Variants in CNTNAP2 observed in about 807,000 individuals in gnomAD.
CNTNAP2 encodes the protein contactin associated protein 2.
CNTNAP2 carries 98 observed loss-of-function variants against 155.2 expected under a neutral mutation model. That is an observed-to-expected ratio of 0.63 (90% CI 0.54 to 0.75). The LOEUF (loss-of-function observed/expected upper bound fraction) is 0.75. Among genes scored for constraint, CNTNAP2 ranks in the 30% least tolerant of loss-of-function variants. The pLI is 0.00. For missense variants in CNTNAP2, 1,727 were observed against 1,688.1 expected, an observed-to-expected ratio of 1.02 and a Z score of -0.40; for synonymous variants, 651 against 631.2, an observed-to-expected ratio of 1.03 and a Z score of -0.47.
chr7:146,307,261 G>C (rs1257353305), intron 1 of CNTNAP2, among the ~76,000 whole-genome samples: 3 of 152,156 alleles, frequency 2.0e-5, no homozygotes, highest in African/African-American at 7.2e-5. Context: ...ACCTAGGAAT[G>C]CAACTTAGAA....
intron 4 of CNTNAP2, chr7:147,082,106 G>C (rs746419828): frequency 3.3e-5 from 5 of 152,166 alleles, no homozygotes; most frequent in Admixed American, 6.5e-5. Context: ...AAAAAAGAAA[G>C]GTAAAGGGTG....
At chr7:146,733,264 G>A (rs1801556629) in intron 1 of CNTNAP2, among the ~76,000 whole-genome samples, 1 of 151,976 alleles carries the variant, frequency 6.6e-6, no homozygotes, top group Non-Finnish European at 1.5e-5. Context: ...CTACAAACTT[G>A]ACCAATGTCA....
At chr7:146,903,262 C>G (rs1796043339) in intron 3 of CNTNAP2, among the ~76,000 whole-genome samples, 1 of 152,128 alleles carries the variant, frequency 6.6e-6, no homozygotes, top group South Asian at 2.1e-4. Flanking sequence ...GCTTGAGAAT[C>G]ATTTTCTTAT....
chr7:147,693,944 G>A (rs973857742), intron 13 of CNTNAP2, among the ~76,000 whole-genome samples: 1 of 151,804 alleles, frequency 6.6e-6, no homozygotes, highest in African/African-American at 2.4e-5. Flanking sequence ...AGAACTTCAG[G>A]TTTCTAACTA....
chr7:146,786,429 T>C lies in CNTNAP2; in HGVS notation c.208+12048T>C, dbSNP rs992340518. ...TTTTTTCTTTCAGAATTAAGAAATA[T>C]AGAATTGTTCTTTTATATGCATGCC... is the stretch of plus-strand genomic sequence containing the variant. On this transcript the variant is annotated intron_variant, in intron 2 of 23. Transcript: ENST00000361727. Among the ~76,000 whole-genome samples, 4 of 152,200 alleles carry C rather than the reference T, an allele frequency of 2.6e-5. No individual in the cohort carries two copies. In the East Asian group the frequency reaches 7.7e-4, roughly 29 times the overall value.
intron 2 of CNTNAP2, among the ~76,000 whole-genome samples, chr7:146,777,518 C>G (rs1228720562): frequency 6.6e-6 from 1 of 151,758 alleles, no homozygotes; most frequent in Non-Finnish European, 1.5e-5. Context: ...TATATCCTCT[C>G]CAAGGAAAAA....
At chr7:146,243,396 C>A (rs1321300879) in intron 1 of CNTNAP2, among the ~76,000 whole-genome samples, 2 of 151,950 alleles carry the variant, frequency 1.3e-5, no homozygotes, top group East Asian at 3.9e-4. Context: ...TAATACCAGA[C>A]CATTTTATTG....
intron 1 of CNTNAP2, among the ~76,000 whole-genome samples, chr7:146,698,265 A>G (rs1800817332): frequency 6.6e-6 from 1 of 151,928 alleles, no homozygotes; most frequent in Non-Finnish European, 1.5e-5. Flanking sequence ...CTCTTTCTTT[A>G]TGTAGATCCA....
chr7:146,181,801 T>C (rs113799180), intron 1 of CNTNAP2, among the ~76,000 whole-genome samples: 2,331 of 152,204 alleles, frequency 0.015, 51 homozygotes, highest in African/African-American at 0.052. Flanking sequence ...AAATAAAATA[T>C]AATAAAATGG....
At chr7:147,433,261 A>T (rs1797495421) in intron 10 of CNTNAP2, among the ~76,000 whole-genome samples, 1 of 152,202 alleles carries the variant, frequency 6.6e-6, no homozygotes, top group African/African-American at 2.4e-5. Context: ...AATAATTTGC[A>T]TTCATTTTAA....
At position 147,135,343 on chromosome 7, in the gene CNTNAP2, G is replaced by A. The variant is rs141422910; in HGVS notation, c.1348+2834G>A. On this transcript the variant is annotated intron_variant, in intron 8 of 23. Coordinates refer to ENST00000361727, the MANE Select transcript of CNTNAP2 (RefSeq NM_014141.6). Reference sequence around the variant, plus strand: ...AGTTGCAACATCAACGTTTTCTGATGGATAGCCAAAAACAAACAAACAAAC... The same window carrying A: ...AGTTGCAACATCAACGTTTTCTGATAGATAGCCAAAAACAAACAAACAAAC... Among the ~76,000 whole-genome samples the A allele has an allele frequency of 4.1e-3, 618 of 151,542 alleles. 5 individuals carry two copies. Among genetic ancestry groups the A allele is most frequent in the African/African-American group, 0.014 (592 of 41,402 alleles).
intron 14 of CNTNAP2, among the ~76,000 whole-genome samples, chr7:147,931,170 G>A (rs1190979384): frequency 1.4e-5 from 2 of 145,662 alleles, no homozygotes; most frequent in African/African-American, 5.2e-5. Context: ...TTAGCAGAAG[G>A]AAGAAATAAT....
chr7:146,453,164 G>C (rs1378752469), intron 1 of CNTNAP2, among the ~76,000 whole-genome samples: 1 of 152,166 alleles, frequency 6.6e-6, no homozygotes, highest in East Asian at 1.9e-4. Context: ...AAACCCTCCG[G>C]AATGTTCAGT....
intron 19 of CNTNAP2, among the ~76,000 whole-genome samples, chr7:148,226,098 A>C (rs1795843683): frequency 6.6e-6 from 1 of 152,194 alleles, no homozygotes; most frequent in African/African-American, 2.4e-5. Context: ...CTACTCCTAG[A>C]ATTTATTCAT....
chr7:148,385,579 G>A (rs1799172791), intron 22 of CNTNAP2, among the ~76,000 whole-genome samples: 1 of 152,050 alleles, frequency 6.6e-6, no homozygotes, highest in African/African-American at 2.4e-5. Flanking sequence ...CAATAGACTA[G>A]TTTCTAAAAC....
intron 1 of CNTNAP2, among the ~76,000 whole-genome samples, chr7:146,484,232 T>A (rs1195501672): frequency 1.4e-4 from 21 of 152,216 alleles, no homozygotes; most frequent in Admixed American, 8.5e-4. Context: ...TGGTTAAGTA[T>A]GCTATATGAT....
chr7:146,660,250 T>C (rs73470677), intron 1 of CNTNAP2, among the ~76,000 whole-genome samples: 12,554 of 152,154 alleles, frequency 0.083, 873 homozygotes, highest in African/African-American at 0.19. Flanking sequence ...TGATATCTAG[T>C]TTATCCACCA....
chr7:147,607,170 A>G (rs1486398500), intron 12 of CNTNAP2, among the ~76,000 whole-genome samples: 1 of 152,160 alleles, frequency 6.6e-6, no homozygotes, highest in South Asian at 2.1e-4. Flanking sequence ...TCAATGAGGA[A>G]AATTAAATAC....
At chr7:146,792,719 C>CT (rs1442287467) in intron 2 of CNTNAP2, among the ~76,000 whole-genome samples, 3 of 152,292 alleles carry the variant, frequency 2.0e-5, no homozygotes, top group African/African-American at 7.2e-5. Flanking sequence ...ACACAAGGCA[C>CT]TGTTGGTCTG....
Sources: gnomAD v4.1 joint callset for allele counts (sites outside exome capture counted in the v4.1 genomes callset) on GRCh38, gnomAD v4.1.1 for gene constraint, MANE v1.5 for transcripts, NCBI Gene and HGNC (gene_info 2026-07-23, HGNC 2026-07-21) for gene names.